Variants in PRLR observed in about 807,000 individuals in gnomAD.
PRLR encodes the protein prolactin receptor.
Under a neutral mutation model 40.2 loss-of-function variants are expected in PRLR, and 13 were observed. The observed-to-expected ratio is 0.32, with a 90% confidence interval of 0.21 to 0.51. PRLR has a LOEUF of 0.51. Among genes scored for constraint, PRLR ranks in the 20% least tolerant of loss-of-function variants. The pLI is 0.97. For missense variants in PRLR, 656 were observed against 747.3 expected (o/e 0.88, Z 1.42); for synonymous variants, 269 against 278.7 (o/e 0.97, Z 0.35).
chr5:35,083,473 T>C (rs897848714), intron 5 of PRLR, among the ~76,000 whole-genome samples: 9 of 147,388 alleles, frequency 6.1e-5, no homozygotes, highest in African/African-American at 2.3e-4. Context: ...TGTGTGTGTG[T>C]GTGCACAGAC....
At chr5:35,113,957 T>C (rs763770501) in intron 2 of PRLR, among the ~76,000 whole-genome samples, 2 of 152,218 alleles carry the variant, frequency 1.3e-5, no homozygotes, top group Non-Finnish European at 2.9e-5. Flanking sequence ...TTGTTAGGTA[T>C]CAGGCATCTA....
intron 1 of PRLR, among the ~76,000 whole-genome samples, chr5:35,207,091 G>A (rs573826435): frequency 6.6e-6 from 1 of 152,188 alleles, no homozygotes; most frequent in African/African-American, 2.4e-5. Flanking sequence ...TTTTAAAAAT[G>A]TTATGTAAGA....
intron 1 of PRLR, among the ~76,000 whole-genome samples, chr5:35,190,663 C>T (rs577419082): frequency 2.0e-5 from 3 of 152,040 alleles, no homozygotes; most frequent in Non-Finnish European, 2.9e-5. Context: ...GTTGCTTTTT[C>T]GTTGAAACAA....
intron 1 of PRLR, among the ~76,000 whole-genome samples, chr5:35,222,935 T>C (rs1776460241): frequency 6.6e-6 from 1 of 152,178 alleles, no homozygotes; most frequent in Admixed American, 6.5e-5. Context: ...AATAAAGCCC[T>C]TGGCAATGAT....
At chr5:35,127,784 G>A (rs922799766) in intron 1 of PRLR, among the ~76,000 whole-genome samples, 12 of 152,148 alleles carry the variant, frequency 7.9e-5, no homozygotes, top group East Asian at 7.7e-4. Flanking sequence ...TTCCATTTAC[G>A]TGAAATGTCT....
At chr5:35,173,394 C>T (rs77412730) in intron 1 of PRLR, among the ~76,000 whole-genome samples, 1 of 152,160 alleles carries the variant, frequency 6.6e-6, no homozygotes, top group African/African-American at 2.4e-5. Context: ...TTCTCTTCCT[C>T]AGCCTTGATC....
chr5:35,196,095 A>G lies in PRLR; in HGVS notation c.-106+34173T>C, dbSNP rs1041612115. On this transcript the variant is annotated intron_variant, in intron 1 of 9. Transcript: ENST00000618457. ...AAAATAAAATAAAATAAAATAAAAT[A>G]AAATAAAATAAAATAAAGAGAAATA... is the stretch of plus-strand genomic sequence containing the variant. 1.5e-4 allele frequency among the ~76,000 whole-genome samples: 21 copies of G among 141,968 alleles called. No homozygotes were observed. The East Asian group carries it at 4.1e-3, about 28-fold the overall frequency. The allele number at this position is 141,968 out of a possible 152,430, so 93.1% of individuals were successfully genotyped here.
Position 35,062,540 on chromosome 5 carries a change from A to G in PRLR, c.*2549T>C, listed in dbSNP as rs1769105915. The G allele has an allele frequency of 6.6e-6, 1 of 151,776 alleles. No individual in the cohort carries two copies. Among genetic ancestry groups the G allele is most frequent in the African/African-American group, 2.4e-5 (1 of 41,166 alleles). The allele number at this position is 151,776 out of a possible 1,614,324, so 9.4% of individuals were successfully genotyped here. A position where few individuals can be genotyped will look rare whatever the true frequency, so the allele number is the denominator to read the frequency against. On this transcript the variant is annotated 3_prime_UTR_variant, in exon 10 of 10. Transcript: ENST00000618457. The stretch of plus-strand genomic sequence containing the variant: ...CCTAATGAGTGGCTAATTGTTTTTT[A>G]GGGATTTAATTCAAGTCCTTAGCTG...
rs1226191219 is a variant in PRLR, at chr5:35,064,316, G to C, written c.*773C>G. ...GGGAATTTTTTTTTAACTAAGGAAA[G>C]ACTAAGGTGTATAATAAATTATCTA... On this transcript the variant is annotated 3_prime_UTR_variant, in exon 10 of 10. Coordinates refer to ENST00000618457, the MANE Select transcript of PRLR (RefSeq NM_000949.7). 6.6e-6 allele frequency: 1 copy of C among 152,110 alleles called. No homozygotes were observed. Among genetic ancestry groups the C allele is most frequent in the African/African-American group, 2.4e-5 (1 of 41,420 alleles). 9.4% of individuals were successfully genotyped at this position (152,110 alleles called of 1,614,324 possible).
chr5:35,208,123 C>G (rs1458907291), intron 1 of PRLR, among the ~76,000 whole-genome samples: 2 of 151,932 alleles, frequency 1.3e-5, no homozygotes, highest in African/African-American at 4.8e-5. Flanking sequence ...CCAGTGGCCT[C>G]CTGCTCACAC....
chr5:35,177,916 A>T (rs1055834419), intron 1 of PRLR, among the ~76,000 whole-genome samples: 1 of 151,730 alleles, frequency 6.6e-6, no homozygotes, highest in African/African-American at 2.4e-5. Context: ...TTCATTTCGC[A>T]TGTCTACCAA....
intron 2 of PRLR, among the ~76,000 whole-genome samples, chr5:35,099,444 G>A (rs901665963): frequency 1.3e-5 from 2 of 152,184 alleles, no homozygotes; most frequent in African/African-American, 2.4e-5. Context: ...ATACAATTAT[G>A]TGCAGTATAT....
intron 2 of PRLR, among the ~76,000 whole-genome samples, chr5:35,104,727 T>A (rs924360177): frequency 2.0e-5 from 3 of 152,026 alleles, no homozygotes; most frequent in Non-Finnish European, 2.9e-5. Flanking sequence ...GCCAGGAAGC[T>A]CGAACTGGGT....
chr5:35,075,816 C>T lies in PRLR; in HGVS notation c.374-3072G>A, dbSNP rs530908817. 2.6e-5 allele frequency among the ~76,000 whole-genome samples: 4 copies of T among 152,278 alleles called. No homozygotes were observed. The East Asian group carries it at 7.7e-4, about 29-fold the overall frequency. On this transcript the variant is annotated intron_variant, in intron 5 of 9. Coordinates refer to ENST00000618457, the MANE Select transcript of PRLR (RefSeq NM_000949.7). ...AGGGGCCGACTGACACCTCATACAC[C>T]CAGGTGCCCCTCTGAGATGAAGCTT...
intron 1 of PRLR, among the ~76,000 whole-genome samples, chr5:35,160,523 A>C (rs2111902861): frequency 6.6e-6 from 1 of 152,302 alleles, no homozygotes; most frequent in East Asian, 1.9e-4. Flanking sequence ...AAAGTCAACC[A>C]CCTTTGTAAA....
rs117125193 is a variant in PRLR at position 35,200,970 on chromosome 5, C to T, written c.-106+29298G>A. ...TCAGGACTCTATTCATAAGGCTCTA[C>T]TTTTTCCTTCCAATTTTTAGTTGTA... On this transcript the variant is annotated intron_variant, in intron 1 of 9. Transcript: ENST00000618457. 8.5e-5 allele frequency among the ~76,000 whole-genome samples: 13 copies of T among 152,280 alleles called. No homozygotes were observed. In the East Asian group the frequency reaches 2.5e-3, roughly 29 times the overall value.
At chr5:35,091,471 C>A (rs1771207586) in intron 2 of PRLR, among the ~76,000 whole-genome samples, 1 of 152,158 alleles carries the variant, frequency 6.6e-6, no homozygotes, top group Admixed American at 6.5e-5. Context: ...AACAGATGAG[C>A]AAATGGAAGT....
chr5:35,120,151 G>A (rs991176263), intron 1 of PRLR, among the ~76,000 whole-genome samples: 1 of 151,994 alleles, frequency 6.6e-6, no homozygotes, highest in African/African-American at 2.4e-5. Flanking sequence ...GGCATATCAG[G>A]GTATCGATTT....
At position 35,061,029 on chromosome 5, in the gene PRLR, T is replaced by A. The variant is rs983808801; in HGVS notation, c.*4060A>T. 1.3e-5 allele frequency: 2 copies of A among 152,120 alleles called. No individual in the cohort carries two copies. The highest frequency in any genetic ancestry group is 1.3e-4 in the Admixed American group (2 of 15,270). The allele number at this position is 152,120 out of a possible 1,614,324, so 9.4% of individuals were successfully genotyped here. On this transcript the variant is annotated 3_prime_UTR_variant, in exon 10 of 10. Transcript: ENST00000618457. ...ATTCAATTAAACAATACGTAAACAT[T>A]CACTGAACATTGCTGGTTGGCCCTT...
Sources: allele counts gnomAD v4.1 joint callset (sites outside exome capture counted in the v4.1 genomes callset), GRCh38; gene constraint gnomAD v4.1.1; transcripts MANE v1.5; gene names NCBI Gene and HGNC (gene_info 2026-07-23, HGNC 2026-07-21).